The following SPIDR variants were observed in gnomAD, a reference collection of about 807,000 sequenced individuals.
The protein encoded by SPIDR is scaffold protein involved in DNA repair, also known as DNA repair-scaffolding protein.
Under a neutral mutation model 104.6 loss-of-function variants are expected in SPIDR, and 93 were observed. That is an observed-to-expected ratio of 0.89 (90% CI 0.75 to 1.06). The LOEUF (loss-of-function observed/expected upper bound fraction) is 1.06, where lower values mean the gene tolerates loss of function less well. SPIDR is among the 50% of genes least tolerant of loss of function. The pLI is 0.00. For missense variants in SPIDR, 1,154 were observed against 1,111.2 expected (o/e 1.04, Z -0.55); for synonymous variants, 431 against 416.9 (o/e 1.03, Z -0.41).
At chr8:47,511,133 T>C in intron 8 of SPIDR, 1 of 1,535,536 alleles carries the variant, frequency 6.5e-7, no homozygotes, top group South Asian at 1.1e-5. Context: ...GTCATGAGGA[T>C]AAAGCTGGTG....
At chr8:47,505,622 C>T (rs767398326) in intron 8 of SPIDR, among the ~76,000 whole-genome samples, 1 of 152,188 alleles carries the variant, frequency 6.6e-6, no homozygotes, top group Admixed American at 6.5e-5. Context: ...GGCTCATGCT[C>T]GGTCCGCTGC....
chr8:47,661,611 G>T (rs571531413), intron 10 of SPIDR, among the ~76,000 whole-genome samples: 2 of 152,334 alleles, frequency 1.3e-5, no homozygotes, highest in East Asian at 3.9e-4. Context: ...CAATATTTCA[G>T]AGCTTACTAA....
At chr8:47,326,491 A>G (rs2154265501) in intron 5 of SPIDR, among the ~76,000 whole-genome samples, 1 of 152,346 alleles carries the variant, frequency 6.6e-6, no homozygotes, top group South Asian at 2.1e-4. Context: ...TTAACATTCA[A>G]AAGTGAATAA....
chr8:47,507,018 G>C (rs1476900763), intron 8 of SPIDR, among the ~76,000 whole-genome samples: 1 of 152,146 alleles, frequency 6.6e-6, no homozygotes, highest in East Asian at 1.9e-4. Flanking sequence ...GAGAGAGTGA[G>C]ACAAGCATTC....
intron 7 of SPIDR, among the ~76,000 whole-genome samples, chr8:47,413,316 C>T (rs1310140078): frequency 2.6e-5 from 4 of 152,244 alleles, no homozygotes; most frequent in Admixed American, 6.5e-5. Context: ...AGTCCAAGCT[C>T]CTCTTTGGCA....
intron 8 of SPIDR, among the ~76,000 whole-genome samples, chr8:47,524,114 C>G (rs2154381683): frequency 6.6e-6 from 1 of 152,240 alleles, no homozygotes; most frequent in Non-Finnish European, 1.5e-5. Flanking sequence ...TAAATGTAAA[C>G]TTTAGATAAA....
intron 11 of SPIDR, among the ~76,000 whole-genome samples, chr8:47,700,127 T>C (rs2079942691): frequency 6.6e-6 from 1 of 152,224 alleles, no homozygotes; most frequent in Non-Finnish European, 1.5e-5. Flanking sequence ...TCCATGTCCA[T>C]AAGTATTTTC....
intron 8 of SPIDR, among the ~76,000 whole-genome samples, chr8:47,595,106 C>T (rs990742983): frequency 4.6e-5 from 7 of 152,138 alleles, no homozygotes; most frequent in Non-Finnish European, 7.4e-5. Flanking sequence ...CTCCACCTCT[C>T]GGTGTCTTCT....
At chr8:47,486,431 G>A (rs747241308) in intron 8 of SPIDR, among the ~76,000 whole-genome samples, 50 of 151,680 alleles carry the variant, frequency 3.3e-4, no homozygotes, top group Non-Finnish European at 5.4e-4. Flanking sequence ...AACACTCTGC[G>A]GATATTATCC....
chr8:47,495,870 G>T (rs1338175740), intron 8 of SPIDR, among the ~76,000 whole-genome samples: 1 of 151,938 alleles, frequency 6.6e-6, no homozygotes, highest in Non-Finnish European at 1.5e-5. Flanking sequence ...CTTTCCCATT[G>T]ATTTATATTT....
At chr8:47,561,772 G>A (rs1252327333) in intron 8 of SPIDR, among the ~76,000 whole-genome samples, 2 of 151,968 alleles carry the variant, frequency 1.3e-5, no homozygotes, top group East Asian at 3.8e-4. Context: ...CATCCTATAC[G>A]TAAGGGTTAC....
chr8:47,696,718 C>G (rs1399742312), intron 11 of SPIDR, among the ~76,000 whole-genome samples: 1 of 152,182 alleles, frequency 6.6e-6, no homozygotes, highest in Non-Finnish European at 1.5e-5. Context: ...GCACTGGAGA[C>G]TTTGGAACTG....
chr8:47,337,378 G>GA (rs1554610358), intron 5 of SPIDR, among the ~76,000 whole-genome samples: 1 of 152,074 alleles, frequency 6.6e-6, no homozygotes, highest in Non-Finnish European at 1.5e-5. Flanking sequence ...TGATCTTCCT[G>GA]CCTCAGCCTC....
intron 7 of SPIDR, among the ~76,000 whole-genome samples, chr8:47,424,132 G>A (rs1286742386): frequency 1.3e-5 from 2 of 152,148 alleles, no homozygotes; most frequent in African/African-American, 4.8e-5. Flanking sequence ...GGTGGCCCAT[G>A]TTCATAGCCT....
At chr8:47,665,695 G>A (rs943268604) in intron 10 of SPIDR, among the ~76,000 whole-genome samples, 2 of 152,154 alleles carry the variant, frequency 1.3e-5, no homozygotes, top group African/African-American at 4.8e-5. Flanking sequence ...GATACACAAG[G>A]TGAGGACCTA....
intron 8 of SPIDR, among the ~76,000 whole-genome samples, chr8:47,473,580 C>G (rs1249089902): frequency 1.3e-5 from 2 of 152,170 alleles, no homozygotes; most frequent in African/African-American, 4.8e-5. Context: ...TACTTGGTCC[C>G]TCTATTGTGC....
Position 47,673,397 on chromosome 8 carries a change from G to A in SPIDR, c.1545-404G>A, listed in dbSNP as rs1174529351. 6.6e-6 allele frequency: 3 copies of A among 457,200 alleles called. No homozygotes were observed. The Admixed American group carries it at 7.1e-5, about 11-fold the overall frequency. 28.3% of individuals were successfully genotyped at this position (457,200 alleles called of 1,614,324 possible). ...TCTCAGTATCGAGCATCCACACAAA[G>A]CAAATATTTCTTTCATGGGAAACGG... On this transcript the variant is annotated intron_variant, in intron 10 of 19. Transcript: ENST00000297423.
In SPIDR at chr8:47,439,795, C is replaced by T. The variant is rs533518877; in HGVS notation, c.878-528C>T. On this transcript the variant is annotated intron_variant, in intron 7 of 19. Transcript: ENST00000297423. Reference sequence around the variant, plus strand: ...GCACTTGAATCCAGATCAAATTCCACCCATTTCAATCTAGAGCTCTAATAC... The same window carrying T: ...GCACTTGAATCCAGATCAAATTCCATCCATTTCAATCTAGAGCTCTAATAC... 2.0e-4 allele frequency among the ~76,000 whole-genome samples: 30 copies of T among 152,298 alleles called. 1 individual carries two copies. Among genetic ancestry groups the T allele is most frequent in the Non-Finnish European group, 1.3e-4 (9 of 68,020 alleles).
chr8:47,555,478 A>G (rs1310590400), intron 8 of SPIDR, among the ~76,000 whole-genome samples: 5 of 152,234 alleles, frequency 3.3e-5, no homozygotes, highest in African/African-American at 1.2e-4. Context: ...ATACTTGTGT[A>G]TAATAATATA....
Sources: gnomAD v4.1 joint callset for allele counts (sites outside exome capture counted in the v4.1 genomes callset) on GRCh38, gnomAD v4.1.1 for gene constraint, MANE v1.5 for transcripts, NCBI Gene and HGNC (gene_info 2026-07-23, HGNC 2026-07-21) for gene names.